Variants in SPPL2A observed in about 807,000 individuals in gnomAD.
SPPL2A encodes the protein signal peptide peptidase like 2A.
Under a neutral mutation model 63.8 loss-of-function variants are expected in SPPL2A, and 51 were observed. The ratio of observed to expected loss-of-function variants is 0.80; its 90% CI spans 0.64 to 1.01. SPPL2A has a LOEUF of 1.01. Ranked by LOEUF, SPPL2A falls within the 50% of genes least tolerant of loss-of-function variation. The pLI, the probability that SPPL2A is intolerant of heterozygous loss-of-function variation, is 0.00. For missense variants in SPPL2A, 553 were observed against 622.7 expected (o/e 0.89, Z 1.19); for synonymous variants, 188 against 205.8 (o/e 0.91, Z 0.74).
chr15:50,731,288 TG>T (rs1246700085), intron 9 of SPPL2A, among the ~76,000 whole-genome samples: 1 of 152,212 alleles, frequency 6.6e-6, no homozygotes, highest in Non-Finnish European at 1.5e-5. Context: ...GGCTCACGCC[TG>T]TAATCCCAGC....
chr15:50,717,338 C>A (rs1035589190), intron 14 of SPPL2A, among the ~76,000 whole-genome samples: 1 of 151,992 alleles, frequency 6.6e-6, no homozygotes, highest in Non-Finnish European at 1.5e-5. Context: ...CCACGCCCAG[C>A]AAATTTTTTC....
intron 8 of SPPL2A, among the ~76,000 whole-genome samples, chr15:50,733,071 A>C (rs1161982740): frequency 2.0e-5 from 3 of 152,176 alleles, no homozygotes; most frequent in African/African-American, 7.2e-5. Flanking sequence ...CACTAAGAAA[A>C]AGTTGAAAAG....
chr15:50,743,547 A>G (rs927539657), intron 5 of SPPL2A, among the ~76,000 whole-genome samples: 11 of 151,654 alleles, frequency 7.3e-5, no homozygotes, highest in Admixed American at 2.0e-4. Flanking sequence ...GGGTCTCACT[A>G]TGCTGCCCAG....
chr15:50,729,996 T>TAAAAAAAA (rs10658387), intron 10 of SPPL2A, among the ~76,000 whole-genome samples: 4 of 146,982 alleles, frequency 2.7e-5, no homozygotes, highest in Non-Finnish European at 4.5e-5. Context: ...CTCGGCCTTT[T>TAAAAAAAA]AAAAAAAAAG....
In SPPL2A at chr15:50,763,330, G is replaced by A. The variant is rs528952730; in HGVS notation, c.66+2138C>T. On this transcript the variant is annotated intron_variant, in intron 1 of 14. Coordinates refer to ENST00000261854, the MANE Select transcript of SPPL2A (RefSeq NM_032802.4). ...GAACATCTCAGGAAATTAAAGGAAG[G>A]AGGAACCAAGAAGAAAACAAATCCA... is the stretch of plus-strand genomic sequence containing the variant. Among the ~76,000 whole-genome samples, 139 of 152,226 alleles carry A rather than the reference G, an allele frequency of 9.1e-4. 1 individual carries two copies. Among genetic ancestry groups the A allele is most frequent in the African/African-American group, 3.2e-3 (132 of 41,538 alleles).
chr15:50,758,996 C>T (rs1269794068), intron 1 of SPPL2A, among the ~76,000 whole-genome samples: 4 of 152,138 alleles, frequency 2.6e-5, no homozygotes, highest in Non-Finnish European at 4.4e-5. Flanking sequence ...CTGCTGCCTT[C>T]AACTCCTGGG....
At chr15:50,761,513 G>A (rs1462826871) in intron 1 of SPPL2A, among the ~76,000 whole-genome samples, 1 of 152,172 alleles carries the variant, frequency 6.6e-6, no homozygotes. Flanking sequence ...CCACTGGGGA[G>A]GCTGAGGCAG....
At chr15:50,719,389 C>T (rs911816842) in intron 14 of SPPL2A, among the ~76,000 whole-genome samples, 16 of 152,132 alleles carry the variant, frequency 1.1e-4, no homozygotes, top group African/African-American at 3.4e-4. Context: ...GGATTACAGG[C>T]GCCTGCCACA....
chr15:50,762,894 G>A (rs1485430649), intron 1 of SPPL2A, among the ~76,000 whole-genome samples: 5 of 142,316 alleles, frequency 3.5e-5, no homozygotes, highest in Non-Finnish European at 7.9e-5. Flanking sequence ...CACCACGCCC[G>A]GCTAATTTTT....
chr15:50,740,690 A>C (rs1056743080), intron 5 of SPPL2A, among the ~76,000 whole-genome samples: 3 of 151,856 alleles, frequency 2.0e-5, no homozygotes, highest in African/African-American at 7.3e-5. Flanking sequence ...TGCTCACTGA[A>C]ACCTCTGCCT....
chr15:50,741,870 G>A (rs1198610153), intron 5 of SPPL2A, among the ~76,000 whole-genome samples: 1 of 151,972 alleles, frequency 6.6e-6, no homozygotes, highest in Non-Finnish European at 1.5e-5. Flanking sequence ...AGAGGCTGAG[G>A]CAGCAGAATC....
chr15:50,738,378 G>A (rs1179585232), intron 6 of SPPL2A, among the ~76,000 whole-genome samples: 5 of 151,766 alleles, frequency 3.3e-5, no homozygotes, highest in Admixed American at 6.6e-5. Flanking sequence ...GTGAAATCCC[G>A]TCTGTACTAA....
intron 11 of SPPL2A, 27 bp downstream of exon 11, chr15:50,726,294 C>A: frequency 6.2e-7 from 1 of 1,609,486 alleles, no homozygotes; most frequent in Non-Finnish European, 8.5e-7. Flanking sequence ...CACTGGATAG[C>A]CATTTCTATT....
chr15:50,763,417 T>C, intron 1 of SPPL2A, among the ~76,000 whole-genome samples: 1 of 152,212 alleles, frequency 6.6e-6, no homozygotes. Flanking sequence ...AAAAGATCCT[T>C]ACAATTTAAA....
chr15:50,746,370 G>A (rs994768609), intron 5 of SPPL2A, among the ~76,000 whole-genome samples: 2 of 148,274 alleles, frequency 1.3e-5, no homozygotes, highest in African/African-American at 2.5e-5. Context: ...CTGGAGAGGC[G>A]GAGTTTTCAG....
At chr15:50,762,857 C>G (rs1226566560) in intron 1 of SPPL2A, among the ~76,000 whole-genome samples, 2 of 151,958 alleles carry the variant, frequency 1.3e-5, no homozygotes, top group African/African-American at 4.8e-5. Flanking sequence ...CTCAGCCTCC[C>G]AAGTAGCTGG....
intron 5 of SPPL2A, chr15:50,742,603 ATT>A (rs1335658278): frequency 1.3e-5 from 2 of 151,984 alleles, no homozygotes; most frequent in African/African-American, 2.4e-5. Flanking sequence ...TTTAATAATT[ATT>A]TTTATGGAAC....
At chr15:50,755,059 C>T (rs111227786) in intron 1 of SPPL2A, among the ~76,000 whole-genome samples, 194 of 152,146 alleles carry the variant, frequency 1.3e-3, no homozygotes, top group African/African-American at 4.3e-3. Context: ...GTGGCCCACA[C>T]CTGTAATCCC....
chr15:50,752,143 T>G (rs2062912944), intron 1 of SPPL2A, among the ~76,000 whole-genome samples: 2 of 152,106 alleles, frequency 1.3e-5, no homozygotes, highest in South Asian at 4.1e-4. Context: ...ATCCTTCTTT[T>G]TAAAAGAGCT....
Sources: gnomAD v4.1 joint callset for allele counts (sites outside exome capture counted in the v4.1 genomes callset) on GRCh38, gnomAD v4.1.1 for gene constraint, MANE v1.5 for transcripts, NCBI Gene and HGNC (gene_info 2026-07-23, HGNC 2026-07-21) for gene names.